Variants in TXNRD3 observed in about 807,000 individuals in gnomAD.
TXNRD3 encodes the protein thioredoxin reductase 3, also known as TXNRD3 neighbor gene protein.
Under a neutral mutation model 78.2 loss-of-function variants are expected in TXNRD3, and 68 were observed. That is an observed-to-expected ratio of 0.87 (90% confidence interval 0.72 to 1.06). The LOEUF is 1.06. Among genes scored for constraint, TXNRD3 ranks in the 50% least tolerant of loss-of-function variants. TXNRD3 has a pLI of 0.00. For missense variants in TXNRD3, 751 were observed against 809.5 expected (o/e 0.93, Z 0.88); for synonymous variants, 296 against 300.1 (o/e 0.99, Z 0.14).
intron 6 of TXNRD3, among the ~76,000 whole-genome samples, chr3:126,640,717 C>A (rs1358517413): frequency 6.6e-6 from 1 of 152,150 alleles, no homozygotes; most frequent in Non-Finnish European, 1.5e-5. Context: ...CAATTTTATG[C>A]CTTCAACTAC....
At chr3:126,643,752 T>C (rs371148662) in intron 5 of TXNRD3, among the ~76,000 whole-genome samples, 36 of 152,246 alleles carry the variant, frequency 2.4e-4, no homozygotes, top group African/African-American at 8.7e-4. Context: ...TTTTTTTGAA[T>C]AGAGACAAGG....
intron 14 of TXNRD3, among the ~76,000 whole-genome samples, chr3:126,610,034 G>A (rs756961613): frequency 1.3e-5 from 2 of 152,172 alleles, no homozygotes; most frequent in Non-Finnish European, 2.9e-5. Flanking sequence ...CCAACCTGGA[G>A]CATTTCAGGG....
At chr3:126,619,456 C>A (rs1413481353) in intron 12 of TXNRD3, among the ~76,000 whole-genome samples, 1 of 152,068 alleles carries the variant, frequency 6.6e-6, no homozygotes, top group Non-Finnish European at 1.5e-5. Context: ...ATAAGTTGGG[C>A]ACAGAAAGAC....
chr3:126,634,865 C>A (rs1938816034), intron 6 of TXNRD3, among the ~76,000 whole-genome samples: 1 of 152,114 alleles, frequency 6.6e-6, no homozygotes, highest in African/African-American at 2.4e-5. Context: ...AAGAAATGCC[C>A]CCCTACTCAT....
At chr3:126,649,101 G>C (rs1450449652) in intron 1 of TXNRD3, among the ~76,000 whole-genome samples, 2 of 152,148 alleles carry the variant, frequency 1.3e-5, no homozygotes, top group African/African-American at 4.8e-5. Flanking sequence ...TATATGATAA[G>C]GGATTAATAT....
chr3:126,621,729 G>C lies in TXNRD3; in HGVS notation c.1524+13C>G. The C allele has an allele frequency of 1.3e-6, 2 of 1,488,702 alleles. No individual in the cohort carries two copies. Among genetic ancestry groups the C allele is most frequent in the Non-Finnish European group, 1.8e-6 (2 of 1,129,684 alleles). 92.2% of individuals were successfully genotyped at this position (1,488,702 alleles called of 1,614,324 possible). A position where few individuals can be genotyped will look rare whatever the true frequency, so the allele number is the denominator to read the frequency against. ...TGATCAGGACATTATCTCAAAAACA[G>C]TAAGAAACTTACCTTTTCTAAAGAG... On this transcript the variant is annotated intron_variant, in intron 12 of 15. Coordinates refer to ENST00000524230, the MANE Select transcript of TXNRD3 (RefSeq NM_052883.3).
intron 6 of TXNRD3, among the ~76,000 whole-genome samples, chr3:126,635,308 G>C (rs1313070035): frequency 6.6e-6 from 1 of 152,004 alleles, no homozygotes; most frequent in Non-Finnish European, 1.5e-5. Context: ...CATCATAATG[G>C]GAATCATGTG....
At chr3:126,637,811 T>C (rs1251492123) in intron 6 of TXNRD3, among the ~76,000 whole-genome samples, 2 of 152,020 alleles carry the variant, frequency 1.3e-5, no homozygotes, top group Non-Finnish European at 2.9e-5. Context: ...ATTTTTTCTT[T>C]ACTACCTTCT....
chr3:126,646,054 A>C, intron 3 of TXNRD3, 57 bp downstream of exon 3: 2 of 1,343,864 alleles, frequency 1.5e-6, no homozygotes, highest in Non-Finnish European at 2.0e-6. Flanking sequence ...TCCTCTTTTA[A>C]ATACTTTTTT....
chr3:126,608,794 G>C (rs1938123883), intron 14 of TXNRD3, among the ~76,000 whole-genome samples, 161 bp from the exon 15 acceptor site: 2 of 152,172 alleles, frequency 1.3e-5, no homozygotes, highest in Non-Finnish European at 2.9e-5. Context: ...CTAAGCCACT[G>C]TAAGAATCTG....
intron 6 of TXNRD3, among the ~76,000 whole-genome samples, chr3:126,634,566 G>A (rs917495391): frequency 1.3e-5 from 2 of 152,134 alleles, no homozygotes; most frequent in African/African-American, 4.8e-5. Context: ...GCTCACCACT[G>A]CCAACCTTCA....
chr3:126,647,300 T>C lies in TXNRD3; in HGVS notation c.244-4A>G, dbSNP rs1933263620. ...AAGAAGAAAAGAGTTCTTTCACCTG[T>C]AAAAAAAATTTAGCTAAGTTTCACT... On this transcript the variant is annotated splice_region_variant and splice_polypyrimidine_tract_variant and intron_variant, in intron 1 of 15. Coordinates refer to ENST00000524230, the MANE Select transcript of TXNRD3 (RefSeq NM_052883.3). The C allele has an allele frequency of 2.0e-6, 3 of 1,533,876 alleles. No individual in the cohort carries two copies. Among genetic ancestry groups the C allele is most frequent in the Admixed American group, 3.9e-5 (2 of 50,722 alleles).
intron 6 of TXNRD3, among the ~76,000 whole-genome samples, chr3:126,637,530 TA>T (rs1208490009): frequency 6.6e-6 from 1 of 152,166 alleles, no homozygotes; most frequent in Non-Finnish European, 1.5e-5. Context: ...TTTTCCTGTT[TA>T]AAAATTTCTC....
chr3:126,648,968 A>C (rs1933305638), intron 1 of TXNRD3, among the ~76,000 whole-genome samples: 1 of 152,158 alleles, frequency 6.6e-6, no homozygotes. Context: ...CACACCTGTG[A>C]ATAGCCACGG....
At chr3:126,639,786 G>A (rs189732495) in intron 6 of TXNRD3, among the ~76,000 whole-genome samples, 1 of 152,232 alleles carries the variant, frequency 6.6e-6, no homozygotes, top group East Asian at 1.9e-4. Flanking sequence ...TAGAGACAGA[G>A]TCTCACTATG....
chr3:126,609,060 G>A (rs1185111691), intron 14 of TXNRD3: 2 of 312,086 alleles, frequency 6.4e-6, no homozygotes, highest in Non-Finnish European at 1.3e-5. Flanking sequence ...ATCAAGTGGA[G>A]ACAAAGGAGA....
chr3:126,640,094 CTTTT>C (rs747114940), intron 6 of TXNRD3, among the ~76,000 whole-genome samples: 1 of 14,320 alleles, frequency 7.0e-5, no homozygotes, highest in African/African-American at 1.7e-4. Context: ...CTTGTGTTTT[CTTTT>C]TTTTTTTTTT....
At position 126,646,199 on chromosome 3, in the gene TXNRD3, T is replaced by G. The variant is rs1483107783; in HGVS notation, c.326A>C (p.Glu109Ala). Residue 109 changes from glutamate to alanine, a missense_variant, in exon 3 of 16, where the codon GAA becomes GCA. By Grantham distance (107) the Glu-to-Ala change is moderately radical. Transcript: ENST00000524230. ...CTGATTAGTGATTTCTGACAGCACT[T>G]CTTGAACCCTGGCCCCATCATCTAA... The G allele has an allele frequency of 2.6e-6, 4 of 1,533,828 alleles. No homozygotes were observed. In the Admixed American group the frequency reaches 5.9e-5, roughly 23 times the overall value.
intron 6 of TXNRD3, among the ~76,000 whole-genome samples, chr3:126,641,593 C>T (rs1933090629): frequency 6.6e-6 from 1 of 152,194 alleles, no homozygotes; most frequent in Admixed American, 6.5e-5. Flanking sequence ...GTAGCTCTGT[C>T]TTCCTCACAT....
Sources: gnomAD v4.1 joint callset for allele counts (sites outside exome capture counted in the v4.1 genomes callset) on GRCh38, gnomAD v4.1.1 for gene constraint, MANE v1.5 for transcripts, NCBI Gene and HGNC (gene_info 2026-07-23, HGNC 2026-07-21) for gene names.